ZFR2: variants seen among roughly 807,000 people sequenced by gnomAD.
ZFR2 encodes the protein zinc finger RNA binding protein 2, also known as zinc finger RNA-binding protein 2.
ZFR2 carries 104 observed loss-of-function variants against 105.7 expected under a neutral mutation model. The ratio of observed to expected loss-of-function variants is 0.98; its 90% CI spans 0.84 to 1.16. The LOEUF (loss-of-function observed/expected upper bound fraction) is 1.16, where lower values mean the gene tolerates loss of function less well. Ranked by LOEUF, ZFR2 falls within the 50% of genes most tolerant of loss-of-function variation. ZFR2 has a pLI of 0.00. For synonymous variants in ZFR2, 634 were observed against 597.7 expected (o/e 1.06, Z -0.89); for missense variants, 1,425 against 1,355.5 (o/e 1.05, Z -0.80).
chr19:3,825,153 G>A, intron 7 of ZFR2, 77 bp downstream of exon 7: 1 of 1,384,664 alleles, frequency 7.2e-7, no homozygotes, highest in African/African-American at 1.5e-5. Flanking sequence ...CGACTGGATG[G>A]TAGATTTTCT....
Position 3,808,922 on chromosome 19 carries a change from TC to T in ZFR2, c.2494del (p.Asp832MetfsTer16). On this transcript the variant is annotated frameshift_variant, in exon 17 of 19. Coordinates refer to ENST00000262961, the MANE Select transcript of ZFR2 (RefSeq NM_015174.2). LOFTEE classifies it high-confidence loss of function. ...SSAAGPLGPG[D>X]AVRRVLECVA... ...GCACTCCAGGACTCGCCTGACTGCA[TC>T]CCCGGGGCCCAGGGGCCCAGCCGCA... 1 of 1,571,528 alleles carries T rather than the reference TC, an allele frequency of 6.4e-7. No homozygotes were observed.
At chr19:3,809,032 C>T in intron 16 of ZFR2, 49 bp from the exon 17 acceptor site, 6 of 1,441,262 alleles carry the variant, frequency 4.2e-6, no homozygotes, top group Non-Finnish European at 5.5e-6. Context: ...CGCGGCAGCC[C>T]CTGCCTGCCC....
At chr19:3,821,585 C>G in intron 9 of ZFR2, 106 bp from the exon 10 acceptor site, 3 of 751,806 alleles carry the variant, frequency 4.0e-6, no homozygotes, top group Admixed American at 3.4e-5. Flanking sequence ...AACTGTTGGG[C>G]TGAAAAATCT....
At chr19:3,816,532 C>G (rs1296601418) in intron 13 of ZFR2, 142 bp downstream of exon 13, 1 of 1,305,392 alleles carries the variant, frequency 7.7e-7, no homozygotes, top group Non-Finnish European at 1.0e-6. Context: ...GGACGTGAGC[C>G]ACTGCGCCTG....
At chr19:3,837,708 C>T (rs1030436556) in intron 1 of ZFR2, among the ~76,000 whole-genome samples, 2 of 151,208 alleles carry the variant, frequency 1.3e-5, no homozygotes, top group African/African-American at 2.4e-5. Context: ...CAATGAACAC[C>T]GTGACCATGA....
At chr19:3,816,931 T>C in intron 12 of ZFR2, 86 bp from the exon 13 acceptor site, 2 of 1,285,484 alleles carry the variant, frequency 1.6e-6, no homozygotes, top group African/African-American at 1.5e-5. Flanking sequence ...ACGGGGACCC[T>C]GCAAGTTACA....
At chr19:3,820,146 T>C (rs1480310595) in intron 11 of ZFR2, 36 bp downstream of exon 11, 2 of 1,544,138 alleles carry the variant, frequency 1.3e-6, no homozygotes, top group Non-Finnish European at 1.8e-6. Flanking sequence ...GAGTGTGAGG[T>C]CGCCCGCGTT....
chr19:3,820,040 G>C lies in ZFR2; in HGVS notation c.1740+142C>G, dbSNP rs988051505. On this transcript the variant is annotated intron_variant, in intron 11 of 18. Coordinates refer to ENST00000262961, the MANE Select transcript of ZFR2 (RefSeq NM_015174.2). ...GGGTGCTGGGGCTCCCATCTGTGGA[G>C]TGAGGAGGCCTGGGCCATGGAGCCC... is the stretch of plus-strand genomic sequence containing the variant. 40 of 774,870 alleles carry C rather than the reference G, an allele frequency of 5.2e-5. No individual in the cohort carries two copies. The African/African-American group carries it at 6.4e-4, about 12-fold the overall frequency. 48.0% of individuals were successfully genotyped at this position (774,870 alleles called of 1,614,324 possible). A position where few individuals can be genotyped will look rare whatever the true frequency, so the allele number is the denominator to read the frequency against.
rs149319700 is a variant in ZFR2, at chr19:3,813,574, G to C, written c.2242+246C>G. Among the ~76,000 whole-genome samples the C allele has an allele frequency of 2.0e-5, 3 of 152,176 alleles. No homozygotes were observed. The highest frequency in any genetic ancestry group is 2.1e-4 in the South Asian group (1 of 4,836). On this transcript the variant is annotated intron_variant, in intron 14 of 18. Transcript: ENST00000262961. The surrounding 1 kb of genome is among the most constrained non-coding windows in gnomAD (Gnocchi z 4.4). ...GGAGGTGACACGGTGTCGCTTGCCC[G>C]AGCAAGGCCCCTGCAGCCAGGCTCT...
At chr19:3,807,616 T>G (rs547680535) in intron 17 of ZFR2, among the ~76,000 whole-genome samples, 2 of 152,202 alleles carry the variant, frequency 1.3e-5, no homozygotes, top group South Asian at 4.1e-4. Context: ...TGTGTGCTCA[T>G]TGGCGTATGT....
chr19:3,834,172 G>A lies in ZFR2; in HGVS notation c.265-394C>T, dbSNP rs1016635683. 1.3e-5 allele frequency among the ~76,000 whole-genome samples: 2 copies of A among 152,162 alleles called. No homozygotes were observed. The highest frequency in any genetic ancestry group is 4.8e-5 in the African/African-American group (2 of 41,444). On this transcript the variant is annotated intron_variant, in intron 2 of 18. Transcript: ENST00000262961. This position sits in a 1 kb window ranked among gnomAD's most constrained non-coding sequence, Gnocchi z 5.3. ...GAGTGACAGGGTGGCCTCTGATGCC[G>A]TTGACCGACACAATCTGGGGACGAG...
At chr19:3,840,919 T>C (rs898008918) in intron 1 of ZFR2, among the ~76,000 whole-genome samples, 1 of 152,192 alleles carries the variant, frequency 6.6e-6, no homozygotes, top group Non-Finnish European at 1.5e-5. Flanking sequence ...TGGCCATGCA[T>C]GGCTGGTGGT....
chr19:3,811,545 C>A (rs911961507), intron 14 of ZFR2, among the ~76,000 whole-genome samples, 179 bp from the exon 15 acceptor site: 2 of 151,758 alleles, frequency 1.3e-5, no homozygotes, highest in East Asian at 3.9e-4. Flanking sequence ...ACCTCTGTCT[C>A]CGGGGTTCAA....
intron 3 of ZFR2, among the ~76,000 whole-genome samples, chr19:3,833,341 C>T (rs1382969040): frequency 6.6e-6 from 1 of 151,854 alleles, no homozygotes; most frequent in East Asian, 1.9e-4. Context: ...CTTTGGGAGG[C>T]CAAGGCGGGC....
chr19:3,849,215 G>A (rs1403168051), intron 1 of ZFR2, among the ~76,000 whole-genome samples: 1 of 152,028 alleles, frequency 6.6e-6, no homozygotes, highest in Non-Finnish European at 1.5e-5. Flanking sequence ...GGAAGGCTGA[G>A]CAGAGTCCTT....
intron 1 of ZFR2, chr19:3,852,467 G>A (rs1203533688): frequency 1.4e-6 from 1 of 718,412 alleles, no homozygotes; most frequent in African/African-American, 1.7e-5. Flanking sequence ...ACCAGGCAGG[G>A]TCCCATAAGA....
intron 5 of ZFR2, among the ~76,000 whole-genome samples, chr19:3,830,981 A>G (rs1277445288): frequency 9.1e-6 from 1 of 109,358 alleles, no homozygotes; most frequent in Non-Finnish European, 2.0e-5. Flanking sequence ...ATGCACACAC[A>G]TACACACACG....
chr19:3,853,449 C>T (rs1048466531), intron 1 of ZFR2, among the ~76,000 whole-genome samples: 9 of 152,014 alleles, frequency 5.9e-5, no homozygotes, highest in Admixed American at 3.9e-4. Context: ...GATCAAAAAG[C>T]ATTTGTTGAG....
At position 3,838,199 on chromosome 19, in the gene ZFR2, T is replaced by G. The variant is rs2038098948; in HGVS notation, c.54-3216A>C. Among the ~76,000 whole-genome samples the G allele has an allele frequency of 6.6e-6, 1 of 151,124 alleles. No individual in the cohort carries two copies. The highest frequency in any genetic ancestry group is 2.4e-5 in the African/African-American group (1 of 41,196). On this transcript the variant is annotated intron_variant, in intron 1 of 18. Transcript: ENST00000262961. This position sits in a 1 kb window ranked among gnomAD's most constrained non-coding sequence, Gnocchi z 4.9. ...CCATGACCGTGACACCCGATGAACATCCCGACAATACATTCGATGAACACC... is the reference window on the plus strand; with the variant it reads ...CCATGACCGTGACACCCGATGAACAGCCCGACAATACATTCGATGAACACC...
Sources: allele counts gnomAD v4.1 joint callset (sites outside exome capture counted in the v4.1 genomes callset), GRCh38; gene constraint gnomAD v4.1.1; non-coding constraint Gnocchi (gnomAD v3.1); transcripts MANE v1.5; gene names NCBI Gene and HGNC (gene_info 2026-07-23, HGNC 2026-07-21).